The following TRIM38 variants were observed in gnomAD, a reference collection of about 807,000 sequenced individuals.
TRIM38 encodes E3 ubiquitin-protein ligase TRIM38.
Under a neutral mutation model 35.8 loss-of-function variants are expected in TRIM38, and 35 were observed. The observed-to-expected ratio is 0.98, with a 90% CI of 0.75 to 1.30. TRIM38 has a LOEUF of 1.30. TRIM38 is among the 50% of genes most tolerant of loss of function. TRIM38 has a pLI of 0.00. For synonymous variants in TRIM38, 198 were observed against 204.7 expected, an observed-to-expected ratio of 0.97 and a Z score of 0.28; for missense variants, 545 against 556.9, an observed-to-expected ratio of 0.98 and a Z score of 0.21.
rs995977596 is a variant in TRIM38, at chr6:25,966,802, G to A, written c.280G>A (p.Glu94Lys). ...LKETDQEMSC[E>K]EHGEQFHLFC... ...AGAGACGGATCAAGAAATGTCATGT[G>A]AGGAACACGGAGAGCAGTTCCACCT... Residue 94 changes from glutamate (E) to lysine (K), a missense_variant, in exon 3 of 8, where the codon GAG becomes AAG. Glu to Lys is a moderately conservative substitution (Grantham distance 56). Transcript: ENST00000357085. 6.2e-6 allele frequency: 10 copies of A among 1,614,092 alleles called. No homozygotes were observed. The highest frequency in any genetic ancestry group is 1.3e-5 in the African/African-American group (1 of 74,926).
At chr6:25,977,627 A>G (rs1012235825) in intron 7 of TRIM38, among the ~76,000 whole-genome samples, 1 of 151,452 alleles carries the variant, frequency 6.6e-6, no homozygotes, top group African/African-American at 2.4e-5. Context: ...AGATTGTGCC[A>G]CTGCACTCCA....
chr6:25,977,653 T>G, intron 7 of TRIM38, among the ~76,000 whole-genome samples: 1 of 122,860 alleles, frequency 8.1e-6, no homozygotes, highest in African/African-American at 3.2e-5. Context: ...AGCGACAGAG[T>G]AAGACTCCAT....
intron 7 of TRIM38, chr6:25,973,989 T>C (rs922225049): frequency 3.0e-5 from 14 of 459,878 alleles, no homozygotes; most frequent in African/African-American, 1.9e-4. Context: ...TGGCCTAACC[T>C]GAAATGATTT....
rs1760660301 is a variant in TRIM38 at position 25,984,558 on chromosome 6, T to C, written c.*871T>C. 1 of 152,138 alleles carries C rather than the reference T, an allele frequency of 6.6e-6. No individual in the cohort carries two copies. Among genetic ancestry groups the C allele is most frequent in the African/African-American group, 2.4e-5 (1 of 41,402 alleles). 9.4% of individuals were successfully genotyped at this position (152,138 alleles called of 1,614,324 possible). ...TGATGACCATAAAAAGTCACAAAATTGCTAAATGTTATAATTTAGAGTTGA... is the reference window on the plus strand; with the variant it reads ...TGATGACCATAAAAAGTCACAAAATCGCTAAATGTTATAATTTAGAGTTGA... On this transcript the variant is annotated 3_prime_UTR_variant, in exon 8 of 8. Coordinates refer to ENST00000357085, the MANE Select transcript of TRIM38 (RefSeq NM_006355.5).
chr6:25,968,600 A>T (rs1271343461), intron 3 of TRIM38, among the ~76,000 whole-genome samples: 1 of 152,234 alleles, frequency 6.6e-6, no homozygotes, highest in Non-Finnish European at 1.5e-5. Context: ...AGAATGAATG[A>T]GTATACTTGT....
At chr6:25,978,329 T>C (rs1041778056) in intron 7 of TRIM38, among the ~76,000 whole-genome samples, 40 of 151,570 alleles carry the variant, frequency 2.6e-4, no homozygotes, top group African/African-American at 9.2e-4. Flanking sequence ...AGACAGCATC[T>C]CTATATGCTA....
chr6:25,971,874 G>A lies in TRIM38; in HGVS notation c.513G>A (p.Lys171=), dbSNP rs763147386. ...CCATACTTTCTTGACTCCAGGAGAA[G>A]GTACAGATTCAGAGACAAAAAATCC... ...TAMRITKWKE[K]VQIQRQKIRS... Residue 171 remains lysine (K), a synonymous_variant, in exon 5 of 8, where the codon AAG becomes AAA. Transcript: ENST00000357085. 1 of 1,613,786 alleles carries A rather than the reference G, an allele frequency of 6.2e-7. No homozygotes were observed.
rs1760673241 is a variant in TRIM38, at chr6:25,985,033, T to A, written c.*1346T>A. 6.6e-6 allele frequency: 1 copy of A among 152,286 alleles called. No homozygotes were observed. The highest frequency in any genetic ancestry group is 1.5e-5 in the Non-Finnish European group (1 of 68,038). 9.4% of individuals were successfully genotyped at this position (152,286 alleles called of 1,614,324 possible). The stretch of plus-strand genomic sequence containing the variant: ...CCAGGGTCAGAAGTTCTAATTATGA[T>A]GATAGAGGCTGGGTTGTAAGTAGTA... On this transcript the variant is annotated 3_prime_UTR_variant, in exon 8 of 8. Transcript: ENST00000357085.
rs1286700460 is a variant in TRIM38 at position 25,988,050 on chromosome 6, AGTTTTTCGTTGCCATG to A, written c.*4365_*4380del. 1.3e-5 allele frequency: 2 copies of A among 152,210 alleles called. No homozygotes were observed. Among genetic ancestry groups the A allele is most frequent in the African/African-American group, 4.8e-5 (2 of 41,456 alleles). The allele number at this position is 152,210 out of a possible 1,614,324, so 9.4% of individuals were successfully genotyped here. On this transcript the variant is annotated 3_prime_UTR_variant, in exon 8 of 8. Transcript: ENST00000357085. ...AAGACACGCCCACCAGCGCCATGTC[AGTTTTTCGTTGCCATG>A]GCAACAACAGGACATTATCGACTTC...
In TRIM38 at chr6:25,985,552, C is replaced by G. The variant is rs138340690; in HGVS notation, c.*1865C>G. On this transcript the variant is annotated 3_prime_UTR_variant, in exon 8 of 8. Transcript: ENST00000357085. The stretch of plus-strand genomic sequence containing the variant: ...CTTGATAGGGCCACAGATGGAGAAC[C>G]TAAGATGAATAGAAAAAAAAGATTT... 1.3e-5 allele frequency: 2 copies of G among 152,132 alleles called. No homozygotes were observed. Among genetic ancestry groups the G allele is most frequent in the African/African-American group, 4.8e-5 (2 of 41,490 alleles). The allele number at this position is 152,132 out of a possible 1,614,324, so 9.4% of individuals were successfully genotyped here. A position where few individuals can be genotyped will look rare whatever the true frequency, so the allele number is the denominator to read the frequency against.
rs753536986 is a variant in TRIM38, at chr6:25,985,364, C to T, written c.*1677C>T. 3.2e-4 allele frequency: 49 copies of T among 151,014 alleles called. No individual in the cohort carries two copies. The highest frequency in any genetic ancestry group is 6.2e-4 in the Non-Finnish European group (42 of 67,866). The allele number at this position is 151,014 out of a possible 1,614,324, so 9.4% of individuals were successfully genotyped here. A position where few individuals can be genotyped will look rare whatever the true frequency, so the allele number is the denominator to read the frequency against. ...ATTTACTGCACTAGAAACTCAAAGT[C>T]CTTTTCGTCTTCCTTGTCACTTAAA... On this transcript the variant is annotated 3_prime_UTR_variant, in exon 8 of 8. Transcript: ENST00000357085.
At chr6:25,974,971 C>T (rs994194246) in intron 7 of TRIM38, 2 of 985,012 alleles carry the variant, frequency 2.0e-6, no homozygotes, top group Non-Finnish European at 2.4e-6. Flanking sequence ...TTTGCCTACT[C>T]TCATCTTTTA....
rs748066935 is a variant in TRIM38 at position 25,983,662 on chromosome 6, T to A, written c.1373T>A (p.Leu458Ter). 6.3e-7 allele frequency: 1 copy of A among 1,599,874 alleles called. No homozygotes were observed. Among genetic ancestry groups the A allele is most frequent in the Non-Finnish European group, 8.5e-7 (1 of 1,173,494 alleles). ...PYFQVYQYSP[L>*]FLPPPGD Reference sequence around the variant, plus strand: ...TTCCAGGTTTATCAATATTCTCCTTTGTTTCTGCCTCCCCCAGGTGACTAA... The same window carrying A: ...TTCCAGGTTTATCAATATTCTCCTTAGTTTCTGCCTCCCCCAGGTGACTAA... The change falls in exon 8 of 8, where the codon TTG becomes TAG. Residue 458 changes from leucine to a stop codon, truncating the protein, a stop_gained. Transcript: ENST00000357085. LOFTEE classifies it high-confidence loss of function.
intron 7 of TRIM38, among the ~76,000 whole-genome samples, chr6:25,976,708 C>T (rs1760403865): frequency 6.6e-6 from 1 of 152,166 alleles, no homozygotes; most frequent in Admixed American, 6.5e-5. Context: ...CGTAAATGTT[C>T]CCTCCAGGGA....
chr6:25,983,315 C>T lies in TRIM38; in HGVS notation c.1026C>T (p.Phe342=), dbSNP rs1356122662. 6.2e-7 allele frequency: 1 copy of T among 1,613,982 alleles called. No individual in the cohort carries two copies. The highest frequency in any genetic ancestry group is 8.5e-7 in the Non-Finnish European group (1 of 1,180,028). ...CCTGTGTCTTGGGTTGTGAAGGCTT[C>T]ACCTCAGGAAGACGTTACTTTGAAG... The part of the protein sequence containing the change: ...AFPCVLGCEG[F]TSGRRYFEVD... Residue 342 remains phenylalanine (F), a synonymous_variant, in exon 8 of 8, where the codon TTC becomes TTT. Coordinates refer to ENST00000357085, the MANE Select transcript of TRIM38 (RefSeq NM_006355.5).
At chr6:25,973,493 A>AAAT (rs1760302979) in intron 7 of TRIM38, 1 of 985,310 alleles carries the variant, frequency 1.0e-6, no homozygotes, top group African/African-American at 1.7e-5. Flanking sequence ...CAAACCTTTC[A>AAAT]AATTCTTATT....
At chr6:25,971,599 C>A (rs1760230277) in intron 4 of TRIM38, among the ~76,000 whole-genome samples, 1 of 152,212 alleles carries the variant, frequency 6.6e-6, no homozygotes, top group South Asian at 2.1e-4. Context: ...ACTCACTACC[C>A]ATTAAACAAT....
At chr6:25,970,076 C>T (rs1760182738) in intron 4 of TRIM38, among the ~76,000 whole-genome samples, 1 of 152,020 alleles carries the variant, frequency 6.6e-6, no homozygotes, top group African/African-American at 2.4e-5. Flanking sequence ...TGCTACCATG[C>T]CTGGCTAATT....
intron 7 of TRIM38, chr6:25,973,784 A>G: frequency 9.1e-6 from 9 of 985,466 alleles, no homozygotes; most frequent in Non-Finnish European, 1.1e-5. Flanking sequence ...AACTTGACTT[A>G]GATAACACAG....
Sources: allele counts gnomAD v4.1 joint callset (sites outside exome capture counted in the v4.1 genomes callset), GRCh38; gene constraint gnomAD v4.1.1; transcripts MANE v1.5; gene names NCBI Gene and HGNC (gene_info 2026-07-23, HGNC 2026-07-21).